The following PUS1 variants were observed in gnomAD, a reference collection of about 807,000 sequenced individuals.
PUS1 encodes the protein pseudouridine synthase 1.
In PUS1, 25 loss-of-function variants were observed where a neutral mutation model predicts 38.5. That is an observed-to-expected ratio of 0.65 (90% confidence interval 0.47 to 0.91). PUS1 has a LOEUF of 0.91. Ranked by LOEUF, PUS1 falls within the 40% of genes least tolerant of loss-of-function variation. PUS1 has a pLI of 0.00. For missense variants in PUS1, 597 were observed against 612.3 expected (o/e 0.97, Z 0.26); for synonymous variants, 282 against 260.4 (o/e 1.08, Z -0.80).
At chr12:131,933,027 A>G (rs923140554) in intron 3 of PUS1, among the ~76,000 whole-genome samples, 5 of 151,794 alleles carry the variant, frequency 3.3e-5, no homozygotes, top group Admixed American at 2.6e-4. Flanking sequence ...TCTTGGGAGA[A>G]CTCACTCACT....
Position 131,929,607 on chromosome 12 carries a change from G to A in PUS1, c.-116G>A. On this transcript the variant is annotated 5_prime_UTR_variant, in exon 1 of 6. Transcript: ENST00000376649. ...TTTCCCGGAGGTCAGGGGTCAGAAG[G>A]AACAGGGCTGCAGCGTCAGGGTCCG... The A allele has an allele frequency of 2.2e-6, 2 of 909,422 alleles. No homozygotes were observed. Among genetic ancestry groups the A allele is most frequent in the Non-Finnish European group, 3.2e-6 (2 of 633,252 alleles). The allele number at this position is 909,422 out of a possible 1,614,324, so 56.3% of individuals were successfully genotyped here.
At chr12:131,933,700 G>A (rs546086445) in intron 3 of PUS1, among the ~76,000 whole-genome samples, 7 of 152,370 alleles carry the variant, frequency 4.6e-5, no homozygotes, top group Admixed American at 3.9e-4. Flanking sequence ...AGAGTGGCCC[G>A]CCACAGGGAA....
At chr12:131,937,437 C>T (rs940036470) in intron 3 of PUS1, among the ~76,000 whole-genome samples, 6 of 152,122 alleles carry the variant, frequency 3.9e-5, no homozygotes, top group Non-Finnish European at 7.3e-5. Context: ...TGCAATTGCA[C>T]GATCTCAACT....
At chr12:131,932,423 C>T (rs1890647135) in intron 3 of PUS1, 111 bp downstream of exon 3, 3 of 1,293,386 alleles carry the variant, frequency 2.3e-6, no homozygotes, top group Non-Finnish European at 3.3e-6. Flanking sequence ...TAATGATGTA[C>T]AAATCAAACT....
At position 131,943,679 on chromosome 12, in the gene PUS1, C is replaced by T; in HGVS notation, c.*93C>T. On this transcript the variant is annotated 3_prime_UTR_variant, in exon 6 of 6. Coordinates refer to ENST00000376649, the MANE Select transcript of PUS1 (RefSeq NM_025215.6). Reference sequence around the variant, plus strand: ...TGTGGGCAGCAAGAAGCTGGGATCGCTGCAGCCATGTTTTCCCGGCCATGC... The same window carrying T: ...TGTGGGCAGCAAGAAGCTGGGATCGTTGCAGCCATGTTTTCCCGGCCATGC... 1.9e-6 allele frequency: 2 copies of T among 1,066,984 alleles called. No individual in the cohort carries two copies. 66.1% of individuals were successfully genotyped at this position (1,066,984 alleles called of 1,614,324 possible). A position where few individuals can be genotyped will look rare whatever the true frequency, so the allele number is the denominator to read the frequency against.
chr12:131,941,731 G>C lies in PUS1; in HGVS notation c.984G>C (p.Ala328=), dbSNP rs143660941. The part of the protein sequence containing the change: ...WGTEKVDVPK[A]PGLGLVLERV... ...CAGAGAAGGTGGACGTGCCCAAGGC[G>C]CCCGGACTCGGCCTGGTCCTGGAGA... The change falls in exon 5 of 6, where the codon GCG becomes GCC. Residue 328 remains alanine (A), a synonymous_variant. Coordinates refer to ENST00000376649, the MANE Select transcript of PUS1 (RefSeq NM_025215.6). The surrounding 1 kb of genome is among the most constrained non-coding windows in gnomAD (Gnocchi z 4.4). The C allele has an allele frequency of 6.2e-7, 1 of 1,614,134 alleles. No individual in the cohort carries two copies. Among genetic ancestry groups the C allele is most frequent in the Non-Finnish European group, 8.5e-7 (1 of 1,180,020 alleles).
In PUS1 at chr12:131,941,216, G is replaced by T; in HGVS notation, c.545-76G>T. ...TGGGTAAGGAGACGCTGGGGCTCACGCCGTGCTCAGGCTGCTCCCTGGTCA... is the reference window on the plus strand; with the variant it reads ...TGGGTAAGGAGACGCTGGGGCTCACTCCGTGCTCAGGCTGCTCCCTGGTCA... On this transcript the variant is annotated intron_variant, in intron 4 of 5. Transcript: ENST00000376649. The surrounding 1 kb of genome is among the most constrained non-coding windows in gnomAD (Gnocchi z 4.4). 7.6e-7 allele frequency: 1 copy of T among 1,311,174 alleles called. No homozygotes were observed. The allele number at this position is 1,311,174 out of a possible 1,614,324, so 81.2% of individuals were successfully genotyped here. A position where few individuals can be genotyped will look rare whatever the true frequency, so the allele number is the denominator to read the frequency against.
In PUS1 at chr12:131,944,940, G is replaced by A. The variant is rs1170815845; in HGVS notation, c.*1354G>A. 1 of 152,340 alleles carries A rather than the reference G, an allele frequency of 6.6e-6. No homozygotes were observed. Among genetic ancestry groups the A allele is most frequent in the Non-Finnish European group, 1.5e-5 (1 of 68,072 alleles). The allele number at this position is 152,340 out of a possible 1,614,324, so 9.4% of individuals were successfully genotyped here. ...CACACTGCGTTAGCCAGGAGCAGGG[G>A]ATCCTTGGCTGGCGGGCTGCCAGGA... On this transcript the variant is annotated 3_prime_UTR_variant, in exon 6 of 6. Coordinates refer to ENST00000376649, the MANE Select transcript of PUS1 (RefSeq NM_025215.6).
intron 3 of PUS1, among the ~76,000 whole-genome samples, chr12:131,936,290 G>A (rs1367858768): frequency 2.0e-5 from 3 of 151,786 alleles, no homozygotes; most frequent in East Asian, 3.9e-4. Flanking sequence ...CGGGCTGGGC[G>A]CGGGGGCTTA....
chr12:131,930,610 A>G (rs1040007384), intron 2 of PUS1, among the ~76,000 whole-genome samples: 2 of 152,098 alleles, frequency 1.3e-5, no homozygotes, highest in Non-Finnish European at 2.9e-5. Flanking sequence ...GTCTGGGTAC[A>G]TTCAGGTAGG....
chr12:131,939,173 G>C lies in PUS1; in HGVS notation c.442G>C (p.Gly148Arg). 6.4e-7 allele frequency: 1 copy of C among 1,554,986 alleles called. No homozygotes were observed. Among genetic ancestry groups the C allele is most frequent in the Non-Finnish European group, 8.7e-7 (1 of 1,148,172 alleles). Reference protein sequence around the residue: ...SFQRCARTDKGVSAAGQVVSL... With the variant: ...SFQRCARTDKRVSAAGQVVSL... The stretch of plus-strand genomic sequence containing the variant: ...GTCACCCGTTCTGCTTTGTTTACAG[G>C]GTGTGTCCGCAGCCGGCCAGGTGGT... The change falls in exon 4 of 6, where the codon GGT (glycine) becomes CGT (arginine). Residue 148 changes from glycine to arginine, a missense_variant and splice_region_variant. Transcript: ENST00000376649.
chr12:131,930,246 C>T (rs1566139720), intron 2 of PUS1, 111 bp downstream of exon 2: 1 of 603,534 alleles, frequency 1.7e-6, no homozygotes, highest in Non-Finnish European at 2.5e-6. Context: ...GCCCAGGTAG[C>T]GGCGGGTCCG....
Position 131,941,565 on chromosome 12 carries a change from T to C in PUS1, c.818T>C (p.Val273Ala), listed in dbSNP as rs863224173. 3 of 1,614,150 alleles carry C rather than the reference T, an allele frequency of 1.9e-6. No homozygotes were observed. The South Asian group carries it at 3.3e-5, about 18-fold the overall frequency. ...ILEMYCEEPF[V>A]REGLEFAVIR... The stretch of plus-strand genomic sequence containing the variant: ...GAGATGTACTGCGAGGAACCCTTTG[T>C]GCGGGAGGGCCTGGAGTTTGCGGTG... Residue 273 changes from valine to alanine, a missense_variant, in exon 5 of 6, where the codon GTG becomes GCG. By Grantham distance (64) the Val-to-Ala change is moderately conservative. Transcript: ENST00000376649. The surrounding 1 kb of genome is among the most constrained non-coding windows in gnomAD (Gnocchi z 4.4).
intron 3 of PUS1, among the ~76,000 whole-genome samples, chr12:131,935,403 T>C (rs549988583): frequency 6.6e-6 from 1 of 152,332 alleles, no homozygotes; most frequent in South Asian, 2.1e-4. Context: ...GAGAGATGGT[T>C]TCATTCTAAT....
intron 3 of PUS1, 88 bp downstream of exon 3, chr12:131,932,400 G>C: frequency 6.9e-7 from 1 of 1,440,748 alleles, no homozygotes. Flanking sequence ...TTGTTATGCT[G>C]TTTCTGAGCA....
chr12:131,929,931 G>A lies in PUS1; in HGVS notation c.99G>A (p.Ala33=), dbSNP rs1004386304. Residue 33 remains alanine (A), a synonymous_variant, in exon 2 of 6, where the codon GCG becomes GCA. Coordinates refer to ENST00000376649, the MANE Select transcript of PUS1 (RefSeq NM_025215.6). The stretch of plus-strand genomic sequence containing the variant: ...GCTCGCCGCGCATGGCCGGGAACGC[G>A]GAGCCGCCGCCCGCCGGAGCCGCAT... The part of the protein sequence containing the change: ...PSCSPRMAGN[A]EPPPAGAACP... The A allele has an allele frequency of 5.4e-6, 8 of 1,474,456 alleles. No individual in the cohort carries two copies. The African/African-American group carries it at 1.2e-4, about 21-fold the overall frequency. The allele number at this position is 1,474,456 out of a possible 1,614,324, so 91.3% of individuals were successfully genotyped here.
In PUS1 at chr12:131,941,752, G is replaced by A; in HGVS notation, c.1005G>A (p.Leu335=). ...AGGCGCCCGGACTCGGCCTGGTCCT[G>A]GAGAGGGTGCACTTCGAGAAGTACA... ...VPKAPGLGLV[L]ERVHFEKYNQ... The change falls in exon 5 of 6, where the codon CTG becomes CTA. Residue 335 remains leucine, a synonymous_variant. Coordinates refer to ENST00000376649, the MANE Select transcript of PUS1 (RefSeq NM_025215.6). This position sits in a 1 kb window ranked among gnomAD's most constrained non-coding sequence, Gnocchi z 4.4. The A allele has an allele frequency of 6.2e-7, 1 of 1,613,960 alleles. No homozygotes were observed. The highest frequency in any genetic ancestry group is 8.5e-7 in the Non-Finnish European group (1 of 1,179,886).
At chr12:131,933,883 A>G (rs1448755277) in intron 3 of PUS1, among the ~76,000 whole-genome samples, 1 of 152,168 alleles carries the variant, frequency 6.6e-6, no homozygotes, top group Non-Finnish European at 1.5e-5. Context: ...GCCGAACCTG[A>G]TAGTGGCCCC....
At chr12:131,942,562 A>T (rs567472724) in intron 5 of PUS1, among the ~76,000 whole-genome samples, 1 of 151,900 alleles carries the variant, frequency 6.6e-6, no homozygotes, top group Admixed American at 6.6e-5. Context: ...GCCCACCACC[A>T]CGCCCGGCTC....
Sources: gnomAD v4.1 joint callset for allele counts (sites outside exome capture counted in the v4.1 genomes callset) on GRCh38, gnomAD v4.1.1 for gene constraint, Gnocchi (gnomAD v3.1) non-coding constraint, MANE v1.5 for transcripts, NCBI Gene and HGNC (gene_info 2026-07-23, HGNC 2026-07-21) for gene names.